MTIF2: variants seen among roughly 807,000 people sequenced by gnomAD.
MTIF2 encodes the protein translation initiation factor IF-2, mitochondrial.
In MTIF2, 71 loss-of-function variants were observed where a neutral mutation model predicts 83.5. The observed-to-expected ratio is 0.85, with a 90% CI of 0.70 to 1.04. The LOEUF (loss-of-function observed/expected upper bound fraction) is 1.04. Among genes scored for constraint, MTIF2 ranks in the 50% least tolerant of loss-of-function variants. The probability of loss-of-function intolerance (pLI) is 0.00; values close to 1 mark genes in which losing one functional copy is unlikely to be tolerated. For synonymous variants in MTIF2, 319 were observed against 287.1 expected, an observed-to-expected ratio of 1.11 and a Z score of -1.12; for missense variants, 957 against 846.5, an observed-to-expected ratio of 1.13 and a Z score of -1.62.
chr2:55,267,392 C>T (rs1029607552), intron 3 of MTIF2, among the ~76,000 whole-genome samples, 177 bp downstream of exon 3: 4 of 152,140 alleles, frequency 2.6e-5, no homozygotes, highest in African/African-American at 9.7e-5. Flanking sequence ...CTCCTGACCT[C>T]AGGTGATCTA....
intron 14 of MTIF2, among the ~76,000 whole-genome samples, chr2:55,238,159 T>G (rs372366352): frequency 1.3e-5 from 2 of 150,930 alleles, no homozygotes; most frequent in East Asian, 3.9e-4. Context: ...TTCTTCTAGA[T>G]AGCTAAGACT....
chr2:55,265,403 T>C (rs780088096), intron 3 of MTIF2, among the ~76,000 whole-genome samples: 1 of 151,714 alleles, frequency 6.6e-6, no homozygotes, highest in Non-Finnish European at 1.5e-5. Context: ...AGCTTGCCAA[T>C]ACAATGAATC....
At position 55,252,277 on chromosome 2, in the gene MTIF2, T is replaced by C. The variant is rs771196956; in HGVS notation, c.841+200A>G. On this transcript the variant is annotated intron_variant, in intron 8 of 15. Coordinates refer to ENST00000263629, the MANE Select transcript of MTIF2 (RefSeq NM_002453.3). ...AGATTGTACCTGTGGTCTGTACTTATGGTCACAACTCCCAAGTTGAATCCT... is the reference window on the plus strand; with the variant it reads ...AGATTGTACCTGTGGTCTGTACTTACGGTCACAACTCCCAAGTTGAATCCT... Among the ~76,000 whole-genome samples the C allele has an allele frequency of 3.4e-4, 51 of 152,236 alleles. No individual in the cohort carries two copies. The highest frequency in any genetic ancestry group is 1.2e-3 in the Admixed American group (18 of 15,286).
chr2:55,238,660 G>A (rs1676074925), intron 14 of MTIF2, among the ~76,000 whole-genome samples: 1 of 151,902 alleles, frequency 6.6e-6, no homozygotes, highest in South Asian at 2.1e-4. Context: ...CAAAGTGCTG[G>A]GATTACAGGC....
At chr2:55,236,916 A>T (rs1176426854) in intron 15 of MTIF2, 96 bp from the exon 16 acceptor site, 1 of 1,002,568 alleles carries the variant, frequency 1.0e-6, no homozygotes, top group Non-Finnish European at 1.3e-6. Context: ...TTACACTGAA[A>T]TTCTTAAAAA....
rs540669529 is a variant in MTIF2, at chr2:55,253,522, T to C, written c.664+519A>G. 2.5e-3 allele frequency among the ~76,000 whole-genome samples: 387 copies of C among 151,914 alleles called. 2 individuals are homozygous for C. The highest frequency in any genetic ancestry group is 8.8e-3 in the African/African-American group (366 of 41,426). On this transcript the variant is annotated intron_variant, in intron 7 of 15. Coordinates refer to ENST00000263629, the MANE Select transcript of MTIF2 (RefSeq NM_002453.3). ...GGCAAAACCCCGTCTCTACTAAAAA[T>C]ACAAAAAAATTAAGCCAGGCACGAT...
At chr2:55,259,181 A>G (rs898865072) in intron 5 of MTIF2, among the ~76,000 whole-genome samples, 6 of 152,218 alleles carry the variant, frequency 3.9e-5, no homozygotes, top group Non-Finnish European at 8.8e-5. Context: ...CATGTAGAAA[A>G]GTGTCCAACA....
intron 4 of MTIF2, among the ~76,000 whole-genome samples, chr2:55,262,832 G>T (rs577605200): frequency 6.6e-6 from 1 of 151,764 alleles, no homozygotes; most frequent in Non-Finnish European, 1.5e-5. Context: ...AGGTTCAAGC[G>T]CTTCTCCTGC....
chr2:55,267,262 T>C (rs1274472203), intron 3 of MTIF2, among the ~76,000 whole-genome samples: 2 of 152,232 alleles, frequency 1.3e-5, no homozygotes, highest in East Asian at 1.9e-4. Flanking sequence ...GTTCAGGGGA[T>C]TCTCCTGCCT....
rs1291291516 is a variant in MTIF2, at chr2:55,252,663, C to G, written c.665-10G>C. The G allele has an allele frequency of 3.1e-6, 5 of 1,603,614 alleles. No individual in the cohort carries two copies. The East Asian group carries it at 1.1e-4, about 36-fold the overall frequency. ...CCAGAAGGCAGAGAGACTGTGGAAA[C>G]AGAAATTCAAGAACATCAAGGATTC... On this transcript the variant is annotated splice_polypyrimidine_tract_variant and intron_variant, in intron 7 of 15. Coordinates refer to ENST00000263629, the MANE Select transcript of MTIF2 (RefSeq NM_002453.3).
intron 14 of MTIF2, among the ~76,000 whole-genome samples, chr2:55,239,422 A>G (rs1676134542): frequency 6.6e-6 from 1 of 152,184 alleles, no homozygotes; most frequent in Admixed American, 6.5e-5. Flanking sequence ...GAATTAGGTA[A>G]AAGATATATA....
chr2:55,255,156 CAAAT>C lies in MTIF2; in HGVS notation c.332-335_332-332del, dbSNP rs538108431. On this transcript the variant is annotated intron_variant, in intron 5 of 15. Transcript: ENST00000263629. Reference sequence around the variant, plus strand: ...CTATTTCTCTAAAAATTTAAGGTCACAAATGTCATGTATACACGAATGTGTGTGT... The same window carrying C: ...CTATTTCTCTAAAAATTTAAGGTCACGTCATGTATACACGAATGTGTGTGT... Among the ~76,000 whole-genome samples the C allele has an allele frequency of 5.2e-3, 781 of 151,450 alleles. 8 individuals carry two copies. Among genetic ancestry groups the C allele is most frequent in the Non-Finnish European group, 9.4e-3 (641 of 67,832 alleles).
intron 13 of MTIF2, among the ~76,000 whole-genome samples, chr2:55,240,905 C>T (rs924651497): frequency 6.6e-6 from 1 of 151,936 alleles, no homozygotes; most frequent in African/African-American, 2.4e-5. Flanking sequence ...TTGTGGTTTG[C>T]ACTTAGGTAT....
chr2:55,265,170 G>A (rs1678336224), intron 3 of MTIF2, among the ~76,000 whole-genome samples: 1 of 151,344 alleles, frequency 6.6e-6, no homozygotes, highest in Non-Finnish European at 1.5e-5. Context: ...TTGAACCCGG[G>A]AGGTCGAGGT....
chr2:55,252,333 T>C, intron 8 of MTIF2, 144 bp downstream of exon 8: 1 of 701,324 alleles, frequency 1.4e-6, no homozygotes, highest in South Asian at 2.1e-5. Flanking sequence ...TATAAGTCTG[T>C]GGGAAAACAA....
At chr2:55,262,547 T>TC (rs903383837) in intron 4 of MTIF2, 120 bp from the exon 5 acceptor site, 7 of 617,466 alleles carry the variant, frequency 1.1e-5, no homozygotes, top group Admixed American at 9.8e-5. Context: ...TTTTCTTTTT[T>TC]TTTTTTTTTT....
At chr2:55,268,064 C>T (rs923900815) in intron 2 of MTIF2, among the ~76,000 whole-genome samples, 5 of 151,942 alleles carry the variant, frequency 3.3e-5, no homozygotes, top group African/African-American at 1.2e-4. Flanking sequence ...ACCAGCCTGG[C>T]CAACATGGTG....
rs1205058301 is a variant in MTIF2, at chr2:55,241,177, G to A, written c.1706-1002C>T. Among the ~76,000 whole-genome samples, 3 of 151,678 alleles carry A rather than the reference G, an allele frequency of 2.0e-5. No homozygotes were observed. In the East Asian group the frequency reaches 5.8e-4, roughly 29 times the overall value. On this transcript the variant is annotated intron_variant, in intron 13 of 15. Coordinates refer to ENST00000263629, the MANE Select transcript of MTIF2 (RefSeq NM_002453.3). The stretch of plus-strand genomic sequence containing the variant: ...TCACGCCTGTAATCCCAGCACTTTG[G>A]GAGGCCGAGGTGGGTGGATCACCTG...
chr2:55,251,816 A>G (rs1419921415), intron 8 of MTIF2, among the ~76,000 whole-genome samples: 3 of 151,872 alleles, frequency 2.0e-5, no homozygotes. Flanking sequence ...AGAGACAGGG[A>G]TTTTCCATGT....
Sources: gnomAD v4.1 joint callset for allele counts (sites outside exome capture counted in the v4.1 genomes callset) on GRCh38, gnomAD v4.1.1 for gene constraint, MANE v1.5 for transcripts, NCBI Gene and HGNC (gene_info 2026-07-23, HGNC 2026-07-21) for gene names.